Variants in LGALS1 observed in about 807,000 individuals in gnomAD.
LGALS1 encodes the protein galectin-1.
In LGALS1, 14 loss-of-function variants were observed where a neutral mutation model predicts 14.4. The observed-to-expected ratio is 0.97, with a 90% CI of 0.64 to 1.52. The LOEUF is 1.52. Ranked by LOEUF, LGALS1 falls within the 40% of genes most tolerant of loss-of-function variation. LGALS1 has a pLI of 0.00. For synonymous variants in LGALS1, 71 were observed against 73.4 expected (o/e 0.97, Z 0.17); for missense variants, 170 against 181.4 (o/e 0.94, Z 0.36).
Position 37,679,717 on chromosome 22 carries a change from G to A in LGALS1, c.376G>A (p.Asp126Asn). The A allele has an allele frequency of 1.2e-6, 2 of 1,608,220 alleles. No homozygotes were observed. The highest frequency in any genetic ancestry group is 1.7e-6 in the Non-Finnish European group (2 of 1,177,348). The change falls in exon 4 of 4, where the codon GAC becomes AAC. Residue 126 changes from aspartate to asparagine, a missense_variant. Transcript: ENST00000215909. Reference protein sequence around the residue: ...EAINYMAADGDFKIKCVAFD With the variant: ...EAINYMAADGNFKIKCVAFD Reference sequence around the variant, plus strand: ...CATCAACTACATGGCAGCTGACGGTGACTTCAAGATCAAATGTGTGGCCTT... The same window carrying A: ...CATCAACTACATGGCAGCTGACGGTAACTTCAAGATCAAATGTGTGGCCTT...
In LGALS1 at chr22:37,679,131, C is replaced by CAAAA. The variant is rs66507477; in HGVS notation, c.262-458_262-455dup. On this transcript the variant is annotated intron_variant, in intron 3 of 3. Transcript: ENST00000215909. ...GGCCAACAAGAGCAAAACTCTGTCT[C>CAAAA]AAAAAAAAAAAAAAAAATTAGCCAG... 1.2e-3 allele frequency among the ~76,000 whole-genome samples: 120 copies of CAAAA among 103,608 alleles called. 1 individual carries two copies. The highest frequency in any genetic ancestry group is 4.4e-3 in the African/African-American group (117 of 26,554). 68.0% of individuals were successfully genotyped at this position (103,608 alleles called of 152,430 possible).
At position 37,677,054 on chromosome 22, in the gene LGALS1, T is replaced by A. The variant is rs752987506; in HGVS notation, c.78T>A (p.Pro26=). 5.6e-6 allele frequency: 9 copies of A among 1,613,868 alleles called. No homozygotes were observed. The South Asian group carries it at 8.8e-5, about 16-fold the overall frequency. Reference sequence around the variant, plus strand: ...TTCGAGTGCGAGGCGAGGTGGCTCCTGACGCTAAGAGGTGAGAAGTGAAGT... The same window carrying A: ...TTCGAGTGCGAGGCGAGGTGGCTCCAGACGCTAAGAGGTGAGAAGTGAAGT... ...ECLRVRGEVA[P]DAKSFVLNLG... Residue 26 remains proline, a synonymous_variant, in exon 2 of 4, where the codon CCT becomes CCA. Transcript: ENST00000215909.
intron 3 of LGALS1, 108 bp from the exon 4 acceptor site, chr22:37,679,495 T>G (rs1440164987): frequency 1.1e-6 from 1 of 900,626 alleles, no homozygotes; most frequent in Non-Finnish European, 1.6e-6. Context: ...TAAATGTACC[T>G]CCGCAGGCTC....
At position 37,678,603 on chromosome 22, in the gene LGALS1, G is replaced by A. The variant is rs760833555; in HGVS notation, c.210G>A (p.Gly70=). The A allele has an allele frequency of 1.9e-6, 3 of 1,586,152 alleles. No individual in the cohort carries two copies. Among genetic ancestry groups the A allele is most frequent in the African/African-American group, 2.7e-5 (2 of 73,882 alleles). Residue 70 remains glycine, a synonymous_variant, in exon 3 of 4, where the codon GGG becomes GGA. Transcript: ENST00000215909. ...VCNSKDGGAW[G]TEQREAVFPF... Reference sequence around the variant, plus strand: ...ACAGCAAGGACGGCGGGGCCTGGGGGACCGAGCAGCGGGAGGCTGTCTTTC... The same window carrying A: ...ACAGCAAGGACGGCGGGGCCTGGGGAACCGAGCAGCGGGAGGCTGTCTTTC...
At chr22:37,677,414 CT>C in intron 2 of LGALS1, 1 of 311,700 alleles carries the variant, frequency 3.2e-6, no homozygotes. Flanking sequence ...CGCCTTCCCC[CT>C]GAGTCCCTCC....
chr22:37,678,633 C>A lies in LGALS1; in HGVS notation c.240C>A (p.Phe80Leu). The A allele has an allele frequency of 6.2e-7, 1 of 1,608,824 alleles. No individual in the cohort carries two copies. The highest frequency in any genetic ancestry group is 8.5e-7 in the Non-Finnish European group (1 of 1,178,244). ...GTEQREAVFP[F>L]QPGSVAEVCI... ...AGCAGCGGGAGGCTGTCTTTCCCTT[C>A]CAGCCTGGAAGTGTTGCAGAGGTGG... Residue 80 changes from phenylalanine to leucine, a missense_variant, in exon 3 of 4, where the codon TTC becomes TTA. By Grantham distance (22) the Phe-to-Leu change is conservative. Transcript: ENST00000215909.
chr22:37,678,463 G>A lies in LGALS1; in HGVS notation c.90-20G>A. Reference sequence around the variant, plus strand: ...CTGGAGCTGGCCGAGGTGGCCTCATGCCCACCCGTTACCCCCCAGCTTCGT... The same window carrying A: ...CTGGAGCTGGCCGAGGTGGCCTCATACCCACCCGTTACCCCCCAGCTTCGT... On this transcript the variant is annotated intron_variant, in intron 2 of 3. Transcript: ENST00000215909. 1 of 1,613,190 alleles carries A rather than the reference G, an allele frequency of 6.2e-7. No homozygotes were observed. The highest frequency in any genetic ancestry group is 1.1e-5 in the South Asian group (1 of 91,052).
Position 37,678,542 on chromosome 22 carries a change from T to C in LGALS1, c.149T>C (p.Phe50Ser). 1.2e-6 allele frequency: 2 copies of C among 1,613,646 alleles called. No homozygotes were observed. Among genetic ancestry groups the C allele is most frequent in the Non-Finnish European group, 1.7e-6 (2 of 1,180,040 alleles). ...CTGTGCCTGCACTTCAACCCTCGCT[T>C]CAACGCCCACGGCGACGCCAACACC... The part of the protein sequence containing the change: ...NNLCLHFNPR[F>S]NAHGDANTIV... Residue 50 changes from phenylalanine (F) to serine (S), a missense_variant, in exon 3 of 4, where the codon TTC (phenylalanine) becomes TCC (serine). Coordinates refer to ENST00000215909, the MANE Select transcript of LGALS1 (RefSeq NM_002305.4).
intron 3 of LGALS1, 68 bp from the exon 4 acceptor site, chr22:37,679,535 C>T: frequency 7.1e-7 from 1 of 1,416,566 alleles, no homozygotes; most frequent in Non-Finnish European, 9.4e-7. Flanking sequence ...GTCAGGGCCA[C>T]ATGAGGAACG....
At chr22:37,675,870 G>C (rs1343952801) in intron 1 of LGALS1, among the ~76,000 whole-genome samples, 159 bp downstream of exon 1, 1 of 152,224 alleles carries the variant, frequency 6.6e-6, no homozygotes, top group East Asian at 1.9e-4. Context: ...CTGTAAAATG[G>C]GGGTGGGCGC....
At position 37,678,369 on chromosome 22, in the gene LGALS1, CTG is replaced by C. The variant is rs777384975; in HGVS notation, c.90-112_90-111del. 3 of 1,163,740 alleles carry C rather than the reference CTG, an allele frequency of 2.6e-6. No homozygotes were observed. The South Asian group carries it at 3.9e-5, about 15-fold the overall frequency. 72.1% of individuals were successfully genotyped at this position (1,163,740 alleles called of 1,614,324 possible). On this transcript the variant is annotated intron_variant, in intron 2 of 3. Coordinates refer to ENST00000215909, the MANE Select transcript of LGALS1 (RefSeq NM_002305.4). ...GAGCTAGAATCCAGGTTTCTTGTCT[CTG>C]TTAGTGAGTTCTTCCAGCAAGGTGC...
At chr22:37,676,112 A>C (rs1175588022) in intron 1 of LGALS1, 6 of 165,100 alleles carry the variant, frequency 3.6e-5, no homozygotes, top group Non-Finnish European at 6.5e-5. Context: ...AGGCCAGGGC[A>C]GAGTTACCCT....
At position 37,679,645 on chromosome 22, in the gene LGALS1, C is replaced by A; in HGVS notation, c.304C>A (p.Pro102Thr). The A allele has an allele frequency of 1.2e-6, 2 of 1,610,348 alleles. No individual in the cohort carries two copies. Among genetic ancestry groups the A allele is most frequent in the Non-Finnish European group, 1.7e-6 (2 of 1,178,812 alleles). ...FDQANLTVKL[P>T]DGYEFKFPNR... Reference sequence around the variant, plus strand: ...CCAGGCCAACCTGACCGTCAAGCTGCCAGATGGATACGAATTCAAGTTCCC... The same window carrying A: ...CCAGGCCAACCTGACCGTCAAGCTGACAGATGGATACGAATTCAAGTTCCC... The change falls in exon 4 of 4, where the codon CCA (proline) becomes ACA (threonine). Residue 102 changes from proline to threonine, a missense_variant. Coordinates refer to ENST00000215909, the MANE Select transcript of LGALS1 (RefSeq NM_002305.4).
At chr22:37,677,573 A>C (rs1921479483) in intron 2 of LGALS1, 1 of 158,632 alleles carries the variant, frequency 6.3e-6, no homozygotes, top group Non-Finnish European at 1.4e-5. Flanking sequence ...AGTTTGTTAG[A>C]AAAACAAGGG....
chr22:37,679,474 A>G lies in LGALS1; in HGVS notation c.262-129A>G, dbSNP rs73424850. On this transcript the variant is annotated intron_variant, in intron 3 of 3. Coordinates refer to ENST00000215909, the MANE Select transcript of LGALS1 (RefSeq NM_002305.4). The stretch of plus-strand genomic sequence containing the variant: ...TCATAGGATTAGAGTAAAAAGAAAG[A>G]AAAAATATTATAAATGTACCTCCGC... 3.2e-3 allele frequency: 2,450 copies of G among 761,454 alleles called. 45 individuals are homozygous for G. The African/African-American group carries it at 0.039, about 12-fold the overall frequency. The allele number at this position is 761,454 out of a possible 1,614,324, so 47.2% of individuals were successfully genotyped here.
rs1326409898 is a variant in LGALS1, at chr22:37,679,409, C to T, written c.262-194C>T. Among the ~76,000 whole-genome samples, 9 of 147,298 alleles carry T rather than the reference C, an allele frequency of 6.1e-5. No individual in the cohort carries two copies. In the East Asian group the frequency reaches 1.2e-3, roughly 19 times the overall value. On this transcript the variant is annotated intron_variant, in intron 3 of 3. Coordinates refer to ENST00000215909, the MANE Select transcript of LGALS1 (RefSeq NM_002305.4). ...TTATGCCACTGTACTCCAGCCTGGG[C>T]GACAGAGGAGACTCCATCTCAAAAA...
intron 1 of LGALS1, chr22:37,676,773 GCCAACCC>G (rs1195198554): frequency 1.6e-6 from 1 of 638,918 alleles, no homozygotes; most frequent in Non-Finnish European, 2.9e-6. Flanking sequence ...ACAGACTGAA[GCCAACCC>G]CGGTGGGAAT....
At chr22:37,675,856 A>C (rs1921405958) in intron 1 of LGALS1, 145 bp downstream of exon 1, 1 of 644,772 alleles carries the variant, frequency 1.6e-6, no homozygotes, top group South Asian at 2.7e-5. Context: ...CTCAGTGGCC[A>C]CATCTGTAAA....
intron 1 of LGALS1, 50 bp from the exon 2 acceptor site, chr22:37,676,936 A>T: frequency 6.4e-7 from 1 of 1,566,314 alleles, no homozygotes; most frequent in African/African-American, 1.4e-5. Context: ...CACTTCGAGC[A>T]GTGGAGGCCT....
Sources: allele counts gnomAD v4.1 joint callset (sites outside exome capture counted in the v4.1 genomes callset), GRCh38; gene constraint gnomAD v4.1.1; transcripts MANE v1.5; gene names NCBI Gene and HGNC (gene_info 2026-07-23, HGNC 2026-07-21).